EXT2: variants seen among roughly 807,000 people sequenced by gnomAD.
The protein encoded by EXT2 is exostosin glycosyltransferase 2, also known as exostosin-2.
A neutral mutation model predicts 81.6 loss-of-function variants in EXT2; 53 were observed. The observed-to-expected ratio is 0.65, with a 90% CI of 0.52 to 0.82. EXT2 has a LOEUF of 0.82. Among genes scored for constraint, EXT2 ranks in the 40% least tolerant of loss-of-function variants. EXT2 has a pLI of 0.00. For missense variants in EXT2, 774 were observed against 910.2 expected, an observed-to-expected ratio of 0.85 and a Z score of 1.93; for synonymous variants, 320 against 340.0, an observed-to-expected ratio of 0.94 and a Z score of 0.65.
chr11:44,174,962 G>T (rs1283155492), intron 8 of EXT2, among the ~76,000 whole-genome samples: 2 of 152,110 alleles, frequency 1.3e-5, no homozygotes, highest in Non-Finnish European at 2.9e-5. Flanking sequence ...GCCTGGAGAG[G>T]GTCCAGATCA....
At chr11:44,129,968 A>G (rs889210450) in intron 6 of EXT2, 77 bp from the exon 7 acceptor site, 2 of 1,138,340 alleles carry the variant, frequency 1.8e-6, no homozygotes, top group Non-Finnish European at 2.7e-6. Flanking sequence ...CTGCTTGTGA[A>G]ATGAAACAAG....
chr11:44,134,019 TAGACTA>T (rs1565207168), intron 7 of EXT2, among the ~76,000 whole-genome samples: 1 of 152,220 alleles, frequency 6.6e-6, no homozygotes, highest in Non-Finnish European at 1.5e-5. Context: ...CAGCTATAGT[TAGACTA>T]AGACTTTTGA....
chr11:44,227,735 A>G (rs1413408388), intron 10 of EXT2, among the ~76,000 whole-genome samples: 4 of 152,238 alleles, frequency 2.6e-5, no homozygotes, highest in Non-Finnish European at 5.9e-5. Context: ...CTGAGAATCT[A>G]GAGAGCAGAA....
In EXT2 at chr11:44,109,101, C is replaced by A. The variant is rs1954104004; in HGVS notation, c.537-93C>A. On this transcript the variant is annotated intron_variant, in intron 2 of 13. Transcript: ENST00000533608. ...TACCTGAGAAGCGGCCCTATTTGGG[C>A]TTGGGGATCCTTGATAGTTGTTGTC... The A allele has an allele frequency of 1.5e-5, 20 of 1,377,670 alleles. No homozygotes were observed. The South Asian group carries it at 1.9e-4, about 13-fold the overall frequency. The allele number at this position is 1,377,670 out of a possible 1,614,324, so 85.3% of individuals were successfully genotyped here.
chr11:44,108,784 A>G (rs1346323828), intron 2 of EXT2, among the ~76,000 whole-genome samples: 1 of 152,190 alleles, frequency 6.6e-6, no homozygotes, highest in Non-Finnish European at 1.5e-5. Context: ...TTAATATATC[A>G]TGAATATATT....
At chr11:44,126,101 G>A (rs1199008918) in intron 5 of EXT2, among the ~76,000 whole-genome samples, 1 of 152,164 alleles carries the variant, frequency 6.6e-6, no homozygotes. Context: ...AGAATGTTAG[G>A]TAGTTAAGGT....
At chr11:44,212,593 A>T (rs1191144141) in intron 10 of EXT2, among the ~76,000 whole-genome samples, 1 of 152,158 alleles carries the variant, frequency 6.6e-6, no homozygotes, top group Non-Finnish European at 1.5e-5. Flanking sequence ...GGCATATAGA[A>T]CATTTTTTAT....
intron 9 of EXT2, among the ~76,000 whole-genome samples, chr11:44,201,306 C>T (rs1241795208): frequency 6.6e-6 from 1 of 152,138 alleles, no homozygotes; most frequent in Non-Finnish European, 1.5e-5. Flanking sequence ...TTCATGTTAT[C>T]AGTAGAGAAG....
In EXT2 at chr11:44,251,548, T is replaced by A. The variant is rs1956137974; in HGVS notation, c.*7261T>A. On this transcript the variant is annotated 3_prime_UTR_variant, in exon 14 of 14. Transcript: ENST00000533608. ...TTTCACACCTTGGGCTGTGACTATT[T>A]ACTTCTCGGTACAGATTACTCTGGT... Among the ~76,000 whole-genome samples the A allele has an allele frequency of 6.6e-6, 1 of 152,204 alleles. No homozygotes were observed. Among genetic ancestry groups the A allele is most frequent in the Non-Finnish European group, 1.5e-5 (1 of 68,038 alleles).
At chr11:44,138,494 A>C (rs1954601941) in intron 7 of EXT2, among the ~76,000 whole-genome samples, 1 of 151,946 alleles carries the variant, frequency 6.6e-6, no homozygotes, top group Non-Finnish European at 1.5e-5. Flanking sequence ...TCCAAACCGA[A>C]GGTAATGATT....
intron 3 of EXT2, among the ~76,000 whole-genome samples, chr11:44,112,542 TTATAATGTAATGGAGAC>T: frequency 1.3e-5 from 2 of 152,222 alleles, no homozygotes; most frequent in Non-Finnish European, 2.9e-5. Context: ...ATTTTCTCCA[TTATAATGTAATGGAGAC>T]CTTGGCAGAA....
chr11:44,219,093 ACCCGG>A (rs958915043), intron 10 of EXT2, among the ~76,000 whole-genome samples: 16 of 151,934 alleles, frequency 1.1e-4, no homozygotes, highest in African/African-American at 3.9e-4. Context: ...GAGCCACTGC[ACCCGG>A]CCTAGAATCT....
At chr11:44,199,789 A>G (rs1397398222) in intron 9 of EXT2, among the ~76,000 whole-genome samples, 2 of 152,196 alleles carry the variant, frequency 1.3e-5, no homozygotes, top group Non-Finnish European at 2.9e-5. Context: ...GCAGGAGCCC[A>G]GATTTTGGAG....
intron 7 of EXT2, 125 bp downstream of exon 7, chr11:44,130,263 A>G: frequency 2.7e-6 from 2 of 742,678 alleles, no homozygotes; most frequent in South Asian, 2.9e-5. Flanking sequence ...CAACTAGCCA[A>G]ACTGAAACGA....
At chr11:44,238,554 A>G (rs1418977557) in intron 13 of EXT2, among the ~76,000 whole-genome samples, 4 of 152,224 alleles carry the variant, frequency 2.6e-5, no homozygotes, top group East Asian at 1.9e-4. Flanking sequence ...TAACAGTGTC[A>G]AGGACCTTAA....
At chr11:44,209,136 TTA>T (rs1419333731) in intron 10 of EXT2, among the ~76,000 whole-genome samples, 1 of 152,252 alleles carries the variant, frequency 6.6e-6, no homozygotes, top group Non-Finnish European at 1.5e-5. Context: ...CATGAGGTTA[TTA>T]TTTGCATTGG....
chr11:44,241,517 T>C (rs747086645), intron 13 of EXT2, among the ~76,000 whole-genome samples: 2 of 152,248 alleles, frequency 1.3e-5, no homozygotes, highest in Non-Finnish European at 2.9e-5. Context: ...AATGAAGTAG[T>C]GATACATGAA....
chr11:44,216,977 A>G (rs539902662), intron 10 of EXT2, among the ~76,000 whole-genome samples: 1 of 147,396 alleles, frequency 6.8e-6, no homozygotes, highest in South Asian at 2.3e-4. Context: ...ATACTGGGAT[A>G]CACAAACAAG....
chr11:44,241,794 G>A (rs1564990657), intron 13 of EXT2, among the ~76,000 whole-genome samples: 1 of 152,158 alleles, frequency 6.6e-6, no homozygotes, highest in Non-Finnish European at 1.5e-5. Context: ...GTGGGCCACC[G>A]GCAACCAGCC....
Sources: gnomAD v4.1 joint callset for allele counts (sites outside exome capture counted in the v4.1 genomes callset) on GRCh38, gnomAD v4.1.1 for gene constraint, MANE v1.5 for transcripts, NCBI Gene and HGNC (gene_info 2026-07-23, HGNC 2026-07-21) for gene names.